BASP1: variants seen among roughly 807,000 people sequenced by gnomAD.
The protein encoded by BASP1 is brain abundant membrane attached signal protein 1, also known as brain acid soluble protein 1.
In BASP1, 1 loss-of-function variant was observed where a neutral mutation model predicts 2.2. That is an observed-to-expected ratio of 0.46 (90% CI 0.16 to 2.17). The LOEUF (loss-of-function observed/expected upper bound fraction) is 2.17, where lower values mean the gene tolerates loss of function less well. Among genes scored for constraint, BASP1 ranks in the 30% most tolerant of loss-of-function variants. BASP1 has a pLI of 0.27. For missense variants in BASP1, 352 were observed against 327.2 expected, an observed-to-expected ratio of 1.08 and a Z score of -0.58; for synonymous variants, 187 against 154.2, an observed-to-expected ratio of 1.21 and a Z score of -1.58.
At position 17,256,884 on chromosome 5, in the gene BASP1, GA is replaced by G. The variant is rs958113959; in HGVS notation, c.-9-18315del. ...ATATAGGATTTTATAGCTGTGGGTG[GA>G]AAAAAAAATATTTCTAGGGAAAAGG... is the stretch of plus-strand genomic sequence containing the variant. On this transcript the variant is annotated intron_variant, in intron 1 of 1. Transcript: ENST00000322611. Among the ~76,000 whole-genome samples the G allele has an allele frequency of 6.0e-5, 9 of 151,032 alleles. No individual in the cohort carries two copies. In the South Asian group the frequency reaches 1.3e-3, roughly 21 times the overall value.
chr5:17,245,830 G>A (rs138023615), intron 1 of BASP1, among the ~76,000 whole-genome samples: 8 of 152,204 alleles, frequency 5.3e-5, no homozygotes, highest in African/African-American at 1.9e-4. Flanking sequence ...ATAACTCAGG[G>A]GGTAGCAGAA....
intron 1 of BASP1, among the ~76,000 whole-genome samples, chr5:17,224,933 G>A (rs1579479711): frequency 6.6e-6 from 1 of 152,196 alleles, no homozygotes; most frequent in Non-Finnish European, 1.5e-5. Flanking sequence ...CCGCGTCCAC[G>A]CAGGATCCAC....
chr5:17,267,755 G>A lies in BASP1; in HGVS notation c.-9-7453G>A, dbSNP rs148973118. On this transcript the variant is annotated intron_variant, in intron 1 of 1. Coordinates refer to ENST00000322611, the MANE Select transcript of BASP1 (RefSeq NM_006317.5). The stretch of plus-strand genomic sequence containing the variant: ...GCTTGTCTTGAACTCTCAACCTTGT[G>A]ATCCTCCTGCCTCAGCTTCCCAAAG... 9.3e-5 allele frequency among the ~76,000 whole-genome samples: 13 copies of A among 139,668 alleles called. No homozygotes were observed. The East Asian group carries it at 2.9e-3, about 31-fold the overall frequency. 91.6% of individuals were successfully genotyped at this position (139,668 alleles called of 152,430 possible).
At chr5:17,237,437 T>C (rs1002219240) in intron 1 of BASP1, among the ~76,000 whole-genome samples, 1 of 152,184 alleles carries the variant, frequency 6.6e-6, no homozygotes, top group African/African-American at 2.4e-5. Flanking sequence ...AGAATGCTTT[T>C]CTGGATTAAA....
chr5:17,275,492 C>A lies in BASP1; in HGVS notation c.276C>A (p.Gly92=). The A allele has an allele frequency of 6.8e-7, 1 of 1,480,020 alleles. No individual in the cohort carries two copies. The highest frequency in any genetic ancestry group is 8.9e-7 in the Non-Finnish European group (1 of 1,118,500). 91.7% of individuals were successfully genotyped at this position (1,480,020 alleles called of 1,614,324 possible). The change falls in exon 2 of 2, where the codon GGC becomes GGA. Residue 92 remains glycine, a synonymous_variant. Coordinates refer to ENST00000322611, the MANE Select transcript of BASP1 (RefSeq NM_006317.5). The surrounding 1 kb of genome is among the most constrained non-coding windows in gnomAD (Gnocchi z 5.3). ...APKAEPEKTE[G]AAEAKAEPPK... Reference sequence around the variant, plus strand: ...AGGCGGAGCCCGAGAAGACGGAGGGCGCGGCAGAGGCCAAGGCTGAGCCCC... The same window carrying A: ...AGGCGGAGCCCGAGAAGACGGAGGGAGCGGCAGAGGCCAAGGCTGAGCCCC...
chr5:17,241,693 T>C (rs1482640139), intron 1 of BASP1, among the ~76,000 whole-genome samples: 2 of 152,206 alleles, frequency 1.3e-5, no homozygotes, highest in African/African-American at 4.8e-5. Flanking sequence ...CGTAGATCTG[T>C]GCAGGAACTG....
intron 1 of BASP1, among the ~76,000 whole-genome samples, chr5:17,239,480 A>G (rs368741570): frequency 4.6e-5 from 7 of 152,148 alleles, no homozygotes; most frequent in African/African-American, 1.7e-4. Flanking sequence ...TAAACTCAGT[A>G]TCTAAATAAA....
rs1740300300 is a variant in BASP1, at chr5:17,260,919, T to C, written c.-9-14289T>C. The stretch of plus-strand genomic sequence containing the variant: ...CTGGCCTGGTGGTGGCTAACACCTG[T>C]AATCCCAGCACTTTGGGAGACCAGG... On this transcript the variant is annotated intron_variant, in intron 1 of 1. Coordinates refer to ENST00000322611, the MANE Select transcript of BASP1 (RefSeq NM_006317.5). This position sits in a 1 kb window ranked among gnomAD's most constrained non-coding sequence, Gnocchi z 4.2. 6.6e-6 allele frequency among the ~76,000 whole-genome samples: 1 copy of C among 152,254 alleles called. No individual in the cohort carries two copies. The highest frequency in any genetic ancestry group is 1.5e-5 in the Non-Finnish European group (1 of 68,046).
intron 1 of BASP1, among the ~76,000 whole-genome samples, chr5:17,225,205 C>T (rs751222613): frequency 2.6e-5 from 4 of 152,188 alleles, no homozygotes; most frequent in Non-Finnish European, 5.9e-5. Context: ...AATTGAGTCA[C>T]TCTTACTCAC....
At chr5:17,266,589 C>A (rs1167989838) in intron 1 of BASP1, among the ~76,000 whole-genome samples, 4 of 151,966 alleles carry the variant, frequency 2.6e-5, no homozygotes, top group Non-Finnish European at 5.9e-5. Flanking sequence ...AGCGAATCAC[C>A]TGAGGTCAGG....
In BASP1 at chr5:17,251,801, A is replaced by G. The variant is rs1740106731; in HGVS notation, c.-9-23407A>G. ...AATCTCTTGGGAGGGAGCAGAGGAG[A>G]AAGAAGGTTCGGGTAGGTGAGAAAG... On this transcript the variant is annotated intron_variant, in intron 1 of 1. Transcript: ENST00000322611. This position sits in a 1 kb window ranked among gnomAD's most constrained non-coding sequence, Gnocchi z 4.0. Among the ~76,000 whole-genome samples the G allele has an allele frequency of 6.6e-6, 1 of 152,080 alleles. No homozygotes were observed. The highest frequency in any genetic ancestry group is 2.4e-5 in the African/African-American group (1 of 41,388).
chr5:17,224,963 G>A (rs1739465641), intron 1 of BASP1, among the ~76,000 whole-genome samples: 1 of 152,242 alleles, frequency 6.6e-6, no homozygotes, highest in African/African-American at 2.4e-5. Flanking sequence ...GCCAGTGGCT[G>A]CTTTTAACCA....
chr5:17,223,229 CT>C (rs1383628652), intron 1 of BASP1, among the ~76,000 whole-genome samples: 1 of 152,124 alleles, frequency 6.6e-6, no homozygotes, highest in Non-Finnish European at 1.5e-5. Flanking sequence ...CAGCCATTTA[CT>C]GGTTGTATGA....
At chr5:17,267,587 CA>C (rs757291286) in intron 1 of BASP1, among the ~76,000 whole-genome samples, 28 of 151,490 alleles carry the variant, frequency 1.8e-4, no homozygotes, top group Admixed American at 3.3e-4. Context: ...GGCACGATCT[CA>C]TCCCGCTGCA....
Position 17,227,390 on chromosome 5 carries a change from T to TA in BASP1, c.-10+9580_-10+9581insA, listed in dbSNP as rs59187655. On this transcript the variant is annotated intron_variant, in intron 1 of 1. Coordinates refer to ENST00000322611, the MANE Select transcript of BASP1 (RefSeq NM_006317.5). ...GTACGCCACCAAGCTTGACTAATTT[T>TA]TATATATATATATATATACAATATT... Among the ~76,000 whole-genome samples, 429 of 142,206 alleles carry TA rather than the reference T, an allele frequency of 3.0e-3. 2 individuals are homozygous for TA. Among genetic ancestry groups the TA allele is most frequent in the African/African-American group, 0.011 (404 of 37,504 alleles). 93.3% of individuals were successfully genotyped at this position (142,206 alleles called of 152,430 possible). A position where few individuals can be genotyped will look rare whatever the true frequency, so the allele number is the denominator to read the frequency against.
chr5:17,273,497 C>T (rs1213589602), intron 1 of BASP1, among the ~76,000 whole-genome samples: 2 of 152,132 alleles, frequency 1.3e-5, no homozygotes, highest in African/African-American at 4.8e-5. Context: ...TATTGCTTTT[C>T]TCTTCCCCCA....
chr5:17,219,770 C>T (rs1174296152), intron 1 of BASP1, among the ~76,000 whole-genome samples: 1 of 152,180 alleles, frequency 6.6e-6, no homozygotes, highest in East Asian at 1.9e-4. Flanking sequence ...CTAACCCTTT[C>T]TGTTTTCTCT....
chr5:17,219,910 T>C (rs1280224197), intron 1 of BASP1, among the ~76,000 whole-genome samples: 1 of 152,212 alleles, frequency 6.6e-6, no homozygotes, highest in African/African-American at 2.4e-5. Context: ...TGATTCCTTT[T>C]TCCCCATTAC....
intron 1 of BASP1, among the ~76,000 whole-genome samples, chr5:17,249,204 G>T (rs2126506157): frequency 6.6e-6 from 1 of 152,172 alleles, no homozygotes; most frequent in East Asian, 1.9e-4. Context: ...CCTGTTGTTG[G>T]CCTTGCATTG....
Sources: allele counts gnomAD v4.1 joint callset (sites outside exome capture counted in the v4.1 genomes callset), GRCh38; gene constraint gnomAD v4.1.1; non-coding constraint Gnocchi (gnomAD v3.1); transcripts MANE v1.5; gene names NCBI Gene and HGNC (gene_info 2026-07-23, HGNC 2026-07-21).